The following ZFYVE9 variants were observed in gnomAD, a reference collection of about 807,000 sequenced individuals.
ZFYVE9 encodes the protein zinc finger FYVE domain-containing protein 9.
A neutral mutation model predicts 126.7 loss-of-function variants in ZFYVE9; 43 were observed. The ratio of observed to expected loss-of-function variants is 0.34; its 90% CI spans 0.27 to 0.44. ZFYVE9 has a LOEUF of 0.44. Ranked by LOEUF, ZFYVE9 falls within the 20% of genes least tolerant of loss-of-function variation. ZFYVE9 has a pLI of 1.00. For missense variants in ZFYVE9, 1,476 were observed against 1,697.0 expected (o/e 0.87, Z 2.29); for synonymous variants, 521 against 597.4 (o/e 0.87, Z 1.87).
At chr1:52,192,389 C>G (rs376691881) in intron 1 of ZFYVE9, among the ~76,000 whole-genome samples, 3 of 152,248 alleles carry the variant, frequency 2.0e-5, no homozygotes, top group African/African-American at 7.2e-5. Context: ...TGTATAAGAC[C>G]GTGTACCAGG....
chr1:52,242,460 C>T (rs980810998), intron 4 of ZFYVE9, among the ~76,000 whole-genome samples: 4 of 152,050 alleles, frequency 2.6e-5, no homozygotes, highest in Non-Finnish European at 4.4e-5. Context: ...GTATCCTCAG[C>T]CCTAGAACAT....
chr1:52,321,931 A>T (rs948355927), intron 13 of ZFYVE9, among the ~76,000 whole-genome samples: 2 of 152,170 alleles, frequency 1.3e-5, no homozygotes, highest in African/African-American at 4.8e-5. Context: ...ATCCAGTTCT[A>T]TGGGCTTAAA....
intron 10 of ZFYVE9, among the ~76,000 whole-genome samples, chr1:52,285,525 T>C (rs939595852): frequency 3.9e-5 from 6 of 152,126 alleles, no homozygotes; most frequent in African/African-American, 1.4e-4. Context: ...CTCATAGAAG[T>C]GCGAACCCTG....
intron 2 of ZFYVE9, among the ~76,000 whole-genome samples, chr1:52,224,141 G>T (rs1645148982): frequency 6.6e-6 from 1 of 152,242 alleles, no homozygotes; most frequent in Non-Finnish European, 1.5e-5. Context: ...CTTCTTTGAG[G>T]AAGGGAGGAA....
intron 10 of ZFYVE9, among the ~76,000 whole-genome samples, chr1:52,286,177 C>T (rs943813572): frequency 2.6e-5 from 4 of 151,270 alleles, no homozygotes; most frequent in East Asian, 1.9e-4. Context: ...AAAAACGTAT[C>T]GCAATTTATT....
Position 52,305,867 on chromosome 1 carries a change from C to T in ZFYVE9, c.3438+1942C>T, listed in dbSNP as rs7547530. ...ACCCACTCCAATCTCAGAGCAAAGT[C>T]GGGGCAGTGCTGACACACCAGTGCC... On this transcript the variant is annotated intron_variant, in intron 13 of 18. Transcript: ENST00000287727. Among the ~76,000 whole-genome samples the T allele has an allele frequency of 9.6e-3, 1,469 of 152,260 alleles. 23 individuals are homozygous for T. The highest frequency in any genetic ancestry group is 0.033 in the African/African-American group (1,377 of 41,554).
chr1:52,270,006 C>T (rs1396449997), intron 7 of ZFYVE9, among the ~76,000 whole-genome samples: 1 of 152,014 alleles, frequency 6.6e-6, no homozygotes, highest in Non-Finnish European at 1.5e-5. Context: ...ACAGTGAATA[C>T]CCATATACTC....
At chr1:52,175,552 G>C (rs1429305435) in intron 1 of ZFYVE9, among the ~76,000 whole-genome samples, 1 of 150,614 alleles carries the variant, frequency 6.6e-6, no homozygotes, top group Non-Finnish European at 1.5e-5. Flanking sequence ...ATGTTGGCCT[G>C]CCTTGCTAGA....
intron 9 of ZFYVE9, among the ~76,000 whole-genome samples, chr1:52,279,341 CTTTA>C (rs1645779679): frequency 6.6e-6 from 1 of 152,140 alleles, no homozygotes; most frequent in African/African-American, 2.4e-5. Flanking sequence ...TGGTGCAAAA[CTTTA>C]TTTAGGAAAA....
chr1:52,263,346 G>A (rs1176948012), intron 4 of ZFYVE9, among the ~76,000 whole-genome samples: 1 of 152,130 alleles, frequency 6.6e-6, no homozygotes, highest in Non-Finnish European at 1.5e-5. Context: ...TATAAGGATA[G>A]TAACAAACAG....
At chr1:52,287,170 A>G (rs746574152) in intron 10 of ZFYVE9, among the ~76,000 whole-genome samples, 12 of 151,958 alleles carry the variant, frequency 7.9e-5, no homozygotes, top group Non-Finnish European at 1.6e-4. Flanking sequence ...GCACCCTGCA[A>G]CCTCTGCCTC....
intron 4 of ZFYVE9, among the ~76,000 whole-genome samples, chr1:52,242,029 A>ATTTTTT (rs1645338681): frequency 7.3e-6 from 1 of 136,072 alleles, no homozygotes; most frequent in Non-Finnish European, 1.6e-5. Flanking sequence ...TGTCATGGCA[A>ATTTTTT]TCTTTTTTTT....
chr1:52,220,188 T>G (rs1002305195), intron 2 of ZFYVE9, among the ~76,000 whole-genome samples: 1 of 152,088 alleles, frequency 6.6e-6, no homozygotes, highest in Non-Finnish European at 1.5e-5. Flanking sequence ...TTTTTTAGAG[T>G]TTGATTAATT....
At chr1:52,264,727 T>C (rs1409169096) in intron 5 of ZFYVE9, among the ~76,000 whole-genome samples, 2 of 152,228 alleles carry the variant, frequency 1.3e-5, no homozygotes, top group Non-Finnish European at 2.9e-5. Flanking sequence ...AGACCCCTCC[T>C]GCTCTGTCCG....
At chr1:52,170,675 G>A (rs1644559345) in intron 1 of ZFYVE9, among the ~76,000 whole-genome samples, 1 of 151,986 alleles carries the variant, frequency 6.6e-6, no homozygotes, top group African/African-American at 2.4e-5. Flanking sequence ...GGCATGTTGT[G>A]TTTCCATTAT....
At chr1:52,283,732 A>G (rs1005945740) in intron 10 of ZFYVE9, among the ~76,000 whole-genome samples, 3 of 152,212 alleles carry the variant, frequency 2.0e-5, no homozygotes, top group Non-Finnish European at 4.4e-5. Flanking sequence ...AACTGACTAC[A>G]GAGAGTCCCA....
At chr1:52,227,361 C>T (rs550056931) in intron 2 of ZFYVE9, among the ~76,000 whole-genome samples, 1,066 of 22,374 alleles carry the variant, frequency 0.048, 13 homozygotes, top group African/African-American at 0.29. Context: ...ATCCTTCAGG[C>T]GTTGCCTAAG....
rs138684757 is a variant in ZFYVE9 at position 52,160,230 on chromosome 1, G to A, written c.-143+17827G>A. 1.7e-3 allele frequency: 1,401 copies of A among 801,554 alleles called. 21 individuals are homozygous for A. The East Asian group carries it at 0.032, about 18-fold the overall frequency. The allele number at this position is 801,554 out of a possible 1,614,324, so 49.7% of individuals were successfully genotyped here. A position where few individuals can be genotyped will look rare whatever the true frequency, so the allele number is the denominator to read the frequency against. The stretch of plus-strand genomic sequence containing the variant: ...TGTTAAGCTGCTCCCATCGCATCAC[G>A]ACAGGATGGACTTTATTTTTCTCTT... On this transcript the variant is annotated intron_variant, in intron 1 of 18. Coordinates refer to ENST00000287727, the MANE Select transcript of ZFYVE9 (RefSeq NM_004799.4).
chr1:52,152,592 CTT>C (rs995541868), intron 1 of ZFYVE9, among the ~76,000 whole-genome samples: 41 of 152,256 alleles, frequency 2.7e-4, no homozygotes, highest in African/African-American at 9.6e-4. Flanking sequence ...AATAATCACT[CTT>C]AATATCTAAA....
Sources: allele counts gnomAD v4.1 joint callset (sites outside exome capture counted in the v4.1 genomes callset), GRCh38; gene constraint gnomAD v4.1.1; transcripts MANE v1.5; gene names NCBI Gene and HGNC (gene_info 2026-07-23, HGNC 2026-07-21).